The following CDKL4 variants were observed in gnomAD, a reference collection of about 807,000 sequenced individuals.
CDKL4 encodes the protein cyclin dependent kinase like 4.
Under a neutral mutation model 42.0 loss-of-function variants are expected in CDKL4, and 44 were observed. The ratio of observed to expected loss-of-function variants is 1.05; its 90% CI spans 0.82 to 1.35. The LOEUF is 1.35. Ranked by LOEUF, CDKL4 falls within the 40% of genes most tolerant of loss-of-function variation. The pLI, the probability that CDKL4 is intolerant of heterozygous loss-of-function variation, is 0.00. For synonymous variants in CDKL4, 120 were observed against 121.6 expected, an observed-to-expected ratio of 0.99 and a Z score of 0.09; for missense variants, 393 against 369.9, an observed-to-expected ratio of 1.06 and a Z score of -0.51.
At chr2:39,180,999 T>G (rs886681548) in intron 8 of CDKL4, among the ~76,000 whole-genome samples, 20 of 152,250 alleles carry the variant, frequency 1.3e-4, no homozygotes, top group African/African-American at 7.2e-5. Flanking sequence ...AAATACTATT[T>G]TGAATACAAA....
chr2:39,204,262 T>C (rs940107034), intron 5 of CDKL4, among the ~76,000 whole-genome samples: 1 of 152,248 alleles, frequency 6.6e-6, no homozygotes, highest in Non-Finnish European at 1.5e-5. Context: ...AGATTATAAG[T>C]GCATGAAGAA....
At chr2:39,215,786 G>A (rs1024381985) in intron 3 of CDKL4, among the ~76,000 whole-genome samples, 1 of 152,194 alleles carries the variant, frequency 6.6e-6, no homozygotes, top group African/African-American at 2.4e-5. Context: ...TCCTGATCTT[G>A]TACCACAATT....
intron 3 of CDKL4, among the ~76,000 whole-genome samples, chr2:39,214,853 C>T (rs1677819323): frequency 6.6e-6 from 1 of 152,150 alleles, no homozygotes; most frequent in Non-Finnish European, 1.5e-5. Context: ...AGACTCATCC[C>T]TCTGTATAGA....
chr2:39,229,927 T>C (rs1034189468), intron 1 of CDKL4, among the ~76,000 whole-genome samples: 10 of 152,220 alleles, frequency 6.6e-5, no homozygotes, highest in African/African-American at 2.4e-4. Flanking sequence ...GAAGGAACAT[T>C]TCATACTCTG....
At chr2:39,194,378 G>A (rs149590581) in intron 5 of CDKL4, among the ~76,000 whole-genome samples, 2,717 of 152,306 alleles carry the variant, frequency 0.018, 51 homozygotes, top group Non-Finnish European at 0.03. Flanking sequence ...GGAGGCTGAG[G>A]TGGGAGGATT....
chr2:39,242,027 TTTTC>T (rs1467742562), intron 1 of CDKL4, among the ~76,000 whole-genome samples: 4 of 151,830 alleles, frequency 2.6e-5, no homozygotes, highest in Non-Finnish European at 4.4e-5. Context: ...TTGAAAATAG[TTTTC>T]TTTTTCTTTT....
chr2:39,223,028 C>G (rs1401801685), intron 3 of CDKL4, among the ~76,000 whole-genome samples: 1 of 151,962 alleles, frequency 6.6e-6, no homozygotes, highest in African/African-American at 2.4e-5. Flanking sequence ...TGAGAAAACT[C>G]AAATTTTCAA....
chr2:39,229,864 G>A (rs1678990509), intron 1 of CDKL4, among the ~76,000 whole-genome samples: 1 of 152,148 alleles, frequency 6.6e-6, no homozygotes, highest in Non-Finnish European at 1.5e-5. Context: ...CCCATCTATT[G>A]TTTTCATTAT....
intron 3 of CDKL4, among the ~76,000 whole-genome samples, chr2:39,215,166 A>T (rs775131682): frequency 1.2e-4 from 19 of 152,184 alleles, no homozygotes; most frequent in Non-Finnish European, 2.1e-4. Flanking sequence ...GGTTTTGCCA[A>T]TGTTATGTTT....
At chr2:39,194,907 A>C (rs542070661) in intron 5 of CDKL4, among the ~76,000 whole-genome samples, 2 of 152,114 alleles carry the variant, frequency 1.3e-5, no homozygotes, top group South Asian at 2.1e-4. Flanking sequence ...ACCACTATGC[A>C]CCTCCAAAGT....
At chr2:39,171,380 T>G (rs1674996528), downstream of CDKL4, among the ~76,000 whole-genome samples, 1 of 152,146 alleles carries the variant, frequency 6.6e-6, no homozygotes, top group African/African-American at 2.4e-5. Context: ...CCCAAGAACT[T>G]AGTTTTTACC....
intron 1 of CDKL4, among the ~76,000 whole-genome samples, chr2:39,236,153 G>GT (rs1679359789): frequency 2.4e-5 from 3 of 126,570 alleles, no homozygotes; most frequent in Admixed American, 7.7e-5. Context: ...AAATTTTAGA[G>GT]TAAAAAAAAA....
intron 1 of CDKL4, among the ~76,000 whole-genome samples, chr2:39,231,408 T>C (rs1001159925): frequency 6.6e-6 from 1 of 152,204 alleles, no homozygotes; most frequent in African/African-American, 2.4e-5. Flanking sequence ...ATTATCTCAA[T>C]GGTGAAAGAA....
chr2:39,196,022 G>T (rs1287429771), intron 5 of CDKL4, among the ~76,000 whole-genome samples: 1 of 152,166 alleles, frequency 6.6e-6, no homozygotes, highest in Non-Finnish European at 1.5e-5. Context: ...TACCACTGCA[G>T]GCTCTGTGGG....
chr2:39,193,535 C>T (rs1024359064), intron 5 of CDKL4, among the ~76,000 whole-genome samples: 5 of 151,858 alleles, frequency 3.3e-5, no homozygotes, highest in African/African-American at 1.2e-4. Flanking sequence ...GCCAACATGC[C>T]CGGCTAATTT....
At chr2:39,190,558 C>T in intron 5 of CDKL4, 56 bp from the exon 6 acceptor site, 2 of 1,445,108 alleles carry the variant, frequency 1.4e-6, no homozygotes, top group Non-Finnish European at 1.9e-6. Context: ...GTGAACTGCT[C>T]CCAAGAACAC....
chr2:39,198,951 C>T (rs182753602), intron 5 of CDKL4, among the ~76,000 whole-genome samples: 5 of 151,794 alleles, frequency 3.3e-5, no homozygotes, highest in East Asian at 3.9e-4. Context: ...AAAAAACAAA[C>T]GTAAACCCAG....
intron 1 of CDKL4, among the ~76,000 whole-genome samples, chr2:39,241,375 T>G (rs1352877911): frequency 6.6e-6 from 1 of 152,242 alleles, no homozygotes; most frequent in Non-Finnish European, 1.5e-5. Context: ...TTGAAATTAT[T>G]ATATCAAAGT....
chr2:39,217,415 AG>A (rs1262172548), intron 3 of CDKL4, among the ~76,000 whole-genome samples: 5 of 152,216 alleles, frequency 3.3e-5, no homozygotes, highest in African/African-American at 4.8e-5. Flanking sequence ...AACCACTCAG[AG>A]GAAGACCTGA....
Sources: allele counts gnomAD v4.1 joint callset (sites outside exome capture counted in the v4.1 genomes callset), GRCh38; gene constraint gnomAD v4.1.1; transcripts MANE v1.5; gene names NCBI Gene and HGNC (gene_info 2026-07-23, HGNC 2026-07-21).